C14orf39: variants seen among roughly 807,000 people sequenced by gnomAD.
C14orf39 encodes the protein protein SIX6OS1.
In C14orf39, 66 loss-of-function variants were observed where a neutral mutation model predicts 85.6. The ratio of observed to expected loss-of-function variants is 0.77; its 90% confidence interval spans 0.63 to 0.95. The LOEUF is 0.95. Ranked by LOEUF, C14orf39 falls within the 40% of genes least tolerant of loss-of-function variation. The probability of loss-of-function intolerance (pLI) is 0.00; values close to 1 mark genes in which losing one functional copy is unlikely to be tolerated. For synonymous variants in C14orf39, 242 were observed against 214.0 expected, an observed-to-expected ratio of 1.13 and a Z score of -1.14; for missense variants, 735 against 663.9, an observed-to-expected ratio of 1.11 and a Z score of -1.18.
intron 2 of C14orf39, among the ~76,000 whole-genome samples, chr14:60,498,324 A>C (rs1893096986): frequency 6.6e-6 from 1 of 152,230 alleles, no homozygotes; most frequent in African/African-American, 2.4e-5. Flanking sequence ...CTAATTAAGC[A>C]CAGACATTTC....
In C14orf39 at chr14:60,458,749, T is replaced by G; in HGVS notation, c.1118-10A>C. 1 of 1,581,810 alleles carries G rather than the reference T, an allele frequency of 6.3e-7. No individual in the cohort carries two copies. Among genetic ancestry groups the G allele is most frequent in the Non-Finnish European group, 8.6e-7 (1 of 1,162,194 alleles). ...TCTCCATACTCAGCATCTGTTGTCATATGAGAACAAACTATTTTTCTTTTT... is the reference window on the plus strand; with the variant it reads ...TCTCCATACTCAGCATCTGTTGTCAGATGAGAACAAACTATTTTTCTTTTT... On this transcript the variant is annotated splice_polypyrimidine_tract_variant and intron_variant, in intron 13 of 17. Coordinates refer to ENST00000321731, the MANE Select transcript of C14orf39 (RefSeq NM_174978.3).
chr14:60,494,314 CA>C, intron 2 of C14orf39: 1 of 163,324 alleles, frequency 6.1e-6, no homozygotes, highest in Non-Finnish European at 1.3e-5. Context: ...CATTTGGTGG[CA>C]AAAGCTTGCC....
intron 17 of C14orf39, 94 bp downstream of exon 17, chr14:60,441,980 T>C (rs1890535868): frequency 1.3e-6 from 1 of 788,734 alleles, no homozygotes; most frequent in Non-Finnish European, 2.1e-6. Context: ...TTCTAAAGAA[T>C]AAATTGAGCA....
intron 7 of C14orf39, among the ~76,000 whole-genome samples, chr14:60,470,453 T>C (rs1490132715): frequency 1.3e-5 from 2 of 151,914 alleles, no homozygotes; most frequent in African/African-American, 4.8e-5. Context: ...TCTATTATTA[T>C]CAAGTTTCCA....
upstream of C14orf39, among the ~76,000 whole-genome samples, chr14:60,489,876 C>T (rs1429261365): frequency 1.3e-5 from 2 of 152,144 alleles, no homozygotes; most frequent in East Asian, 3.8e-4. Context: ...CTCACAGTCT[C>T]CCTCCTCTTT....
rs1484228993 is a variant in C14orf39 at position 60,437,018 on chromosome 14, C to A, written c.1591G>T (p.Asp531Tyr). The A allele has an allele frequency of 3.7e-6, 6 of 1,609,330 alleles. No individual in the cohort carries two copies. Among genetic ancestry groups the A allele is most frequent in the Non-Finnish European group, 3.4e-6 (4 of 1,178,198 alleles). The change falls in exon 18 of 18, where the codon GAT (aspartate) becomes TAT (tyrosine). Residue 531 changes from aspartate (D) to tyrosine (Y), a missense_variant. Transcript: ENST00000321731. ...GATGGAAAAGAAAATGTAAAGCCATCTTCTCCTTCTGGCTTCTCAAGTAAG... is the reference window on the plus strand; with the variant it reads ...GATGGAAAAGAAAATGTAAAGCCATATTCTCCTTCTGGCTTCTCAAGTAAG... Reference protein sequence around the residue: ...GNLLEKPEGEDGFTFSFPSDT... With the variant: ...GNLLEKPEGEYGFTFSFPSDT...
At chr14:60,479,824 C>G (rs528315750) in intron 4 of C14orf39, among the ~76,000 whole-genome samples, 12 of 152,244 alleles carry the variant, frequency 7.9e-5, no homozygotes, top group Admixed American at 6.5e-4. Flanking sequence ...CACTGGCTGC[C>G]TAATGTTCAT....
At chr14:60,490,900 C>CT (rs1256102399), upstream of C14orf39, among the ~76,000 whole-genome samples, 1 of 152,194 alleles carries the variant, frequency 6.6e-6, no homozygotes, top group East Asian at 1.9e-4. Context: ...GGCACACTTG[C>CT]TGGTGTCACT....
At chr14:60,492,883 A>G (rs2140175951) in intron 2 of C14orf39, among the ~76,000 whole-genome samples, 1 of 152,338 alleles carries the variant, frequency 6.6e-6, no homozygotes, top group African/African-American at 2.4e-5. Context: ...ACTTAGGAAA[A>G]AAATCTTCAT....
intron 16 of C14orf39, among the ~76,000 whole-genome samples, chr14:60,444,530 C>A (rs1311647720): frequency 2.0e-5 from 3 of 152,138 alleles, no homozygotes; most frequent in African/African-American, 7.2e-5. Flanking sequence ...AACGAAGCCT[C>A]CAAGAAATAT....
intron 1 of C14orf39, chr14:60,510,961 TA>T: frequency 9.9e-7 from 1 of 1,012,780 alleles, no homozygotes; most frequent in South Asian, 1.5e-5. Flanking sequence ...ATCCTCGCCT[TA>T]ACTGCTGGGG....
At chr14:60,471,325 T>G in intron 7 of C14orf39, 92 bp downstream of exon 7, 1 of 996,818 alleles carries the variant, frequency 1.0e-6, no homozygotes, top group Non-Finnish European at 1.5e-6. Flanking sequence ...AACAAATCCA[T>G]GTTATTCTCA....
chr14:60,450,747 C>A (rs921151586), intron 16 of C14orf39, among the ~76,000 whole-genome samples: 1 of 152,142 alleles, frequency 6.6e-6, no homozygotes, highest in Non-Finnish European at 1.5e-5. Flanking sequence ...TGGCCCAGTG[C>A]AGTCCTAGTC....
At chr14:60,445,238 G>A (rs183825373) in intron 16 of C14orf39, among the ~76,000 whole-genome samples, 2 of 152,268 alleles carry the variant, frequency 1.3e-5, no homozygotes, top group African/African-American at 4.8e-5. Context: ...ATGCAAATGG[G>A]CTAAATGCCC....
chr14:60,509,257 C>T, intron 1 of C14orf39: 1 of 730,890 alleles, frequency 1.4e-6, no homozygotes, highest in South Asian at 1.6e-5. Flanking sequence ...GGCCGTTGAG[C>T]CACCGCCGCC....
upstream of C14orf39, among the ~76,000 whole-genome samples, chr14:60,490,955 C>A (rs1251217063): frequency 6.6e-6 from 1 of 152,164 alleles, no homozygotes; most frequent in Non-Finnish European, 1.5e-5. Context: ...ATTAAAGAAG[C>A]CTATGACACA....
rs142645306 is a variant in C14orf39 at position 60,464,229 on chromosome 14, A to T, written c.972+1750T>A. ...GAGGTAAAAGCATAGCATGAAAAAT[A>T]GCAGGAAAAGAAAACATAGATGAAG... On this transcript the variant is annotated intron_variant, in intron 11 of 17. Transcript: ENST00000321731. Among the ~76,000 whole-genome samples, 175 of 152,306 alleles carry T rather than the reference A, an allele frequency of 1.1e-3. 2 individuals are homozygous for T. In the East Asian group the frequency reaches 0.02, roughly 17 times the overall value.
chr14:60,510,277 G>A (rs1387461475), intron 1 of C14orf39, among the ~76,000 whole-genome samples: 1 of 152,198 alleles, frequency 6.6e-6, no homozygotes, highest in Non-Finnish European at 1.5e-5. Context: ...CAAACAGTTA[G>A]GGACCCCAAG....
At chr14:60,452,999 A>C (rs12888860) in intron 16 of C14orf39, among the ~76,000 whole-genome samples, 3 of 152,118 alleles carry the variant, frequency 2.0e-5, no homozygotes. Context: ...TGCTGAAGGT[A>C]CCATCAGAAC....
Sources: gnomAD v4.1 joint callset for allele counts (sites outside exome capture counted in the v4.1 genomes callset) on GRCh38, gnomAD v4.1.1 for gene constraint, MANE v1.5 for transcripts, NCBI Gene and HGNC (gene_info 2026-07-23, HGNC 2026-07-21) for gene names.